Variants in DMD observed in about 807,000 individuals in gnomAD.
The protein encoded by DMD is mutant dystrophin.
A neutral mutation model predicts 330.1 loss-of-function variants in DMD; 63 were observed. The ratio of observed to expected loss-of-function variants is 0.19; its 90% CI spans 0.16 to 0.24. DMD has a LOEUF of 0.24. Ranked by LOEUF, DMD falls within the 10% of genes least tolerant of loss-of-function variation. The pLI is 1.00. For missense variants in DMD, 3,344 were observed against 2,684.1 expected, an observed-to-expected ratio of 1.25 and a Z score of -5.43; for synonymous variants, 1,223 against 959.8, an observed-to-expected ratio of 1.27 and a Z score of -5.07.
chrX:33,203,916 T>A (rs759624427), intron 1 of DMD, among the ~76,000 whole-genome samples: 9 of 111,546 alleles, frequency 8.1e-5, no homozygotes, highest in Non-Finnish European at 7.5e-5. Context: ...AATGGCACCA[T>A]TATCCACCCA....
intron 1 of DMD, among the ~76,000 whole-genome samples, chrX:33,254,198 T>A (rs973715030): frequency 1.0e-5 from 1 of 99,251 alleles, no homozygotes; most frequent in Non-Finnish European, 1.9e-5. Flanking sequence ...CAAATTTGCT[T>A]TATTTCACAT....
chrX:33,071,346 G>T (rs1187706266), intron 1 of DMD, among the ~76,000 whole-genome samples: 1 of 107,322 alleles, frequency 9.3e-6, no homozygotes, highest in Non-Finnish European at 1.9e-5. Flanking sequence ...AGCTATCTGG[G>T]AGGCAGTGGT....
intron 3 of DMD, among the ~76,000 whole-genome samples, chrX:32,847,437 G>A (rs1057235135): frequency 8.9e-6 from 1 of 111,992 alleles, no homozygotes; most frequent in Non-Finnish European, 1.9e-5. Context: ...TCCAAATGCA[G>A]ATGCTTCTGA....
chrX:33,017,939 A>G (rs763365166), intron 2 of DMD, among the ~76,000 whole-genome samples: 3 of 112,451 alleles, frequency 2.7e-5, no homozygotes, highest in Non-Finnish European at 3.8e-5. Context: ...TATATATATC[A>G]CAATTATGTT....
At chrX:32,408,147 A>T in intron 30 of DMD, among the ~76,000 whole-genome samples, 1 of 111,895 alleles carries the variant, frequency 8.9e-6, no homozygotes, top group East Asian at 2.8e-4. Context: ...GAATTGGCTA[A>T]GTGTTATCTT....
At chrX:31,944,136 G>A (rs1008772221) in intron 45 of DMD, among the ~76,000 whole-genome samples, 1 of 111,462 alleles carries the variant, frequency 9.0e-6, no homozygotes. Flanking sequence ...GGGGACCCCT[G>A]GGAGTCCCTG....
intron 1 of DMD, among the ~76,000 whole-genome samples, chrX:33,115,515 C>CT (rs780775064): frequency 1.4e-3 from 142 of 100,973 alleles, no homozygotes; most frequent in African/African-American, 3.0e-3. Flanking sequence ...GACAACATTT[C>CT]TTTTTTTTTT....
chrX:32,668,757 A>ATT (rs11360330), intron 9 of DMD, among the ~76,000 whole-genome samples: 59 of 105,287 alleles, frequency 5.6e-4, no homozygotes, highest in African/African-American at 2.0e-3. Context: ...AACTTGAAAG[A>ATT]TTTTTTTTTT....
chrX:32,449,815 G>T (rs1322550473), intron 26 of DMD, among the ~76,000 whole-genome samples: 1 of 110,198 alleles, frequency 9.1e-6, no homozygotes, highest in African/African-American at 3.3e-5. Flanking sequence ...CCTGACATTA[G>T]CTTTCAAATA....
intron 2 of DMD, among the ~76,000 whole-genome samples, chrX:32,884,932 C>T (rs1261279820): frequency 9.0e-6 from 1 of 111,522 alleles, no homozygotes; most frequent in Non-Finnish European, 1.9e-5. Context: ...TCAGGCTGTT[C>T]TTTAGTTTTA....
intron 2 of DMD, among the ~76,000 whole-genome samples, chrX:33,016,203 GAGATA>G (rs1172807199): frequency 1.8e-5 from 2 of 111,193 alleles, no homozygotes; most frequent in African/African-American, 6.5e-5. Flanking sequence ...GATTTAGCCG[GAGATA>G]AGATAAGGGT....
At chrX:31,843,766 T>A (rs1489009566) in intron 48 of DMD, among the ~76,000 whole-genome samples, 1 of 109,992 alleles carries the variant, frequency 9.1e-6, no homozygotes, top group Admixed American at 9.6e-5. Flanking sequence ...TTTAAGGACT[T>A]AGTCATGAAT....
intron 16 of DMD, among the ~76,000 whole-genome samples, chrX:32,563,749 G>A (rs1328693142): frequency 8.9e-6 from 1 of 111,826 alleles, no homozygotes; most frequent in African/African-American, 3.2e-5. Context: ...CCATTCCAAG[G>A]GAATGAGCAT....
intron 4 of DMD, among the ~76,000 whole-genome samples, chrX:32,824,407 A>G (rs1380473344): frequency 1.8e-5 from 2 of 111,962 alleles, no homozygotes; most frequent in African/African-American, 6.5e-5. Context: ...ATGGAATAAC[A>G]CTCATCAATG....
Position 33,156,977 on chromosome X carries a change from G to A in DMD, c.31+54305C>T, listed in dbSNP as rs762778498. Among the ~76,000 whole-genome samples the A allele has an allele frequency of 3.2e-4, 36 of 111,726 alleles. No individual in the cohort carries two copies. In the South Asian group the frequency reaches 5.2e-3, roughly 16 times the overall value. Reference sequence around the variant, plus strand: ...ATGCATTATACGATAAAAGATACACGAAACTGATGTCCAATGGAACAGTAA... The same window carrying A: ...ATGCATTATACGATAAAAGATACACAAAACTGATGTCCAATGGAACAGTAA... On this transcript the variant is annotated intron_variant, in intron 1 of 78. Transcript: ENST00000357033.
intron 1 of DMD, among the ~76,000 whole-genome samples, chrX:33,058,253 A>G (rs777223329): frequency 9.0e-6 from 1 of 111,026 alleles, no homozygotes; most frequent in Non-Finnish European, 1.9e-5. Context: ...AAATGTTGCT[A>G]TTAACTACCT....
chrX:31,870,359 A>G (rs935896836), intron 48 of DMD, among the ~76,000 whole-genome samples: 8 of 111,887 alleles, frequency 7.2e-5, no homozygotes, highest in Non-Finnish European at 1.1e-4. Context: ...TTTGATATAG[A>G]ATCATCAAAA....
At chrX:32,271,677 T>C (rs770567394) in intron 43 of DMD, among the ~76,000 whole-genome samples, 47 of 112,513 alleles carry the variant, frequency 4.2e-4, no homozygotes, top group Non-Finnish European at 7.9e-4. Flanking sequence ...CAGAATGTTA[T>C]ACTGACTTTA....
At chrX:33,102,719 T>C (rs2095251144) in intron 1 of DMD, among the ~76,000 whole-genome samples, 2 of 111,864 alleles carry the variant, frequency 1.8e-5, no homozygotes, top group Admixed American at 1.9e-4. Flanking sequence ...TAAGAGCTTA[T>C]TAAATACATA....
Sources: gnomAD v4.1 joint callset for allele counts (sites outside exome capture counted in the v4.1 genomes callset) on GRCh38, gnomAD v4.1.1 for gene constraint, MANE v1.5 for transcripts, NCBI Gene and HGNC (gene_info 2026-07-23, HGNC 2026-07-21) for gene names.